The following PTPRK variants were observed in gnomAD, a reference collection of about 807,000 sequenced individuals.
PTPRK encodes the protein protein tyrosine phosphatase receptor type K, also known as receptor-type tyrosine-protein phosphatase kappa.
A neutral mutation model predicts 178.0 loss-of-function variants in PTPRK; 75 were observed. The observed-to-expected ratio is 0.42, with a 90% CI of 0.35 to 0.51. The LOEUF is 0.51. Among genes scored for constraint, PTPRK ranks in the 20% least tolerant of loss-of-function variants. The pLI, the probability that PTPRK is intolerant of heterozygous loss-of-function variation, is 0.02. For missense variants in PTPRK, 1,441 were observed against 1,797.8 expected (o/e 0.80, Z 3.59); for synonymous variants, 637 against 620.6 (o/e 1.03, Z -0.39).
At position 127,990,774 on chromosome 6, in the gene PTPRK, C is replaced by G. The variant is rs1270599618; in HGVS notation, c.3091G>C (p.Glu1031Gln). The G allele has an allele frequency of 1.9e-6, 3 of 1,587,248 alleles. No homozygotes were observed. In the Admixed American group the frequency reaches 5.0e-5, roughly 27 times the overall value. ...AEYVVRTFTL[E>Q]RRGYNEIREV... ...TAGAATTTTAGAGTACTTACCCTTT[C>G]CAGGGTGAATGTCCTAACTACATAT... The change falls in exon 21 of 30, where the codon GAA becomes CAA. Residue 1031 changes from glutamate (E) to glutamine (Q), a missense_variant. By Grantham distance (29) the Glu-to-Gln change is conservative (BLOSUM62 2). Around this residue, in one of 4 missense-constraint regions of PTPRK, gnomAD observed 945 missense variants for 1,080.6 expected, o/e 0.87. Transcript: ENST00000368226.
At chr6:128,359,527 G>A (rs1438518400) in intron 2 of PTPRK, among the ~76,000 whole-genome samples, 1 of 152,140 alleles carries the variant, frequency 6.6e-6, no homozygotes, top group Admixed American at 6.5e-5. Context: ...TGAGGCGGGT[G>A]GATCACCTGA....
intron 2 of PTPRK, among the ~76,000 whole-genome samples, chr6:128,390,289 C>T (rs1016349972): frequency 2.0e-5 from 3 of 152,052 alleles, no homozygotes; most frequent in African/African-American, 7.2e-5. Flanking sequence ...TAAACAGACA[C>T]GCAGCAAGTG....
chr6:128,176,095 T>C (rs1801027226), intron 7 of PTPRK, among the ~76,000 whole-genome samples: 2 of 151,924 alleles, frequency 1.3e-5, no homozygotes, highest in African/African-American at 4.8e-5. Context: ...ACTAATATAA[T>C]TTTTAAGGTG....
chr6:128,267,541 A>T (rs1279053215), intron 3 of PTPRK, among the ~76,000 whole-genome samples: 1 of 152,124 alleles, frequency 6.6e-6, no homozygotes, highest in African/African-American at 2.4e-5. Context: ...AATGCTCTTT[A>T]AAACTGTGTA....
chr6:128,493,469 G>T (rs1854163815), intron 1 of PTPRK, among the ~76,000 whole-genome samples: 1 of 151,974 alleles, frequency 6.6e-6, no homozygotes, highest in Non-Finnish European at 1.5e-5. Flanking sequence ...GGCTGAGGCA[G>T]GAGAATGGCG....
At chr6:128,298,359 A>G (rs1038343188) in intron 3 of PTPRK, among the ~76,000 whole-genome samples, 1 of 151,876 alleles carries the variant, frequency 6.6e-6, no homozygotes, top group African/African-American at 2.4e-5. Flanking sequence ...AAAAGAGGGA[A>G]TCCTCTGTAG....
intron 6 of PTPRK, among the ~76,000 whole-genome samples, chr6:128,186,951 C>T (rs1802866468): frequency 6.6e-6 from 1 of 152,112 alleles, no homozygotes. Context: ...TGTTTTCATT[C>T]CAGATGGCTC....
At chr6:128,090,060 A>C in intron 7 of PTPRK, 68 bp from the exon 8 acceptor site, 2 of 1,264,268 alleles carry the variant, frequency 1.6e-6, no homozygotes, top group Non-Finnish European at 2.3e-6. Flanking sequence ...AAAATAAAAC[A>C]CCAAGTATAA....
At chr6:128,414,982 T>C (rs904451226) in intron 1 of PTPRK, among the ~76,000 whole-genome samples, 1 of 152,226 alleles carries the variant, frequency 6.6e-6, no homozygotes, top group African/African-American at 2.4e-5. Flanking sequence ...TTCATTGATT[T>C]GGCCAAGGTC....
At chr6:128,443,652 G>A (rs1224033399) in intron 1 of PTPRK, among the ~76,000 whole-genome samples, 7 of 152,156 alleles carry the variant, frequency 4.6e-5, no homozygotes. Flanking sequence ...GGCAGAGACA[G>A]AGAAGGAATT....
chr6:128,199,575 G>A (rs1185018748), intron 6 of PTPRK, among the ~76,000 whole-genome samples: 1 of 121,040 alleles, frequency 8.3e-6, no homozygotes, highest in Non-Finnish European at 1.6e-5. Flanking sequence ...AAGGAAGGAA[G>A]GGAGGGAGGG....
At chr6:128,163,875 T>C (rs368618464) in intron 7 of PTPRK, among the ~76,000 whole-genome samples, 12 of 151,622 alleles carry the variant, frequency 7.9e-5, no homozygotes, top group African/African-American at 2.4e-4. Flanking sequence ...AACACTATTG[T>C]AGTTTGTGGA....
At chr6:128,160,764 A>G (rs1171409336) in intron 7 of PTPRK, among the ~76,000 whole-genome samples, 2 of 151,442 alleles carry the variant, frequency 1.3e-5, no homozygotes, top group African/African-American at 2.4e-5. Context: ...TATTAATAAT[A>G]TGTATTTTAA....
At chr6:128,222,282 C>G (rs1810553895) in intron 5 of PTPRK, among the ~76,000 whole-genome samples, 1 of 152,190 alleles carries the variant, frequency 6.6e-6, no homozygotes, top group Admixed American at 6.5e-5. Flanking sequence ...CACAACACTA[C>G]TATCTCAAAG....
intron 7 of PTPRK, among the ~76,000 whole-genome samples, chr6:128,172,074 A>G (rs1800344410): frequency 6.6e-6 from 1 of 152,104 alleles, no homozygotes; most frequent in African/African-American, 2.4e-5. Context: ...CTTACTGGTT[A>G]TTTACAAAAT....
intron 7 of PTPRK, among the ~76,000 whole-genome samples, chr6:128,127,027 G>T (rs552838794): frequency 4.6e-5 from 7 of 151,396 alleles, no homozygotes; most frequent in Non-Finnish European, 8.8e-5. Context: ...TTGCTAATTT[G>T]CAGTGTTGAA....
At chr6:128,189,945 T>C (rs1020529419) in intron 6 of PTPRK, among the ~76,000 whole-genome samples, 3 of 152,184 alleles carry the variant, frequency 2.0e-5, no homozygotes, top group African/African-American at 7.2e-5. Context: ...TAAATGATTT[T>C]AAATTATGTC....
At chr6:128,315,172 T>C (rs541354818) in intron 3 of PTPRK, among the ~76,000 whole-genome samples, 1 of 152,228 alleles carries the variant, frequency 6.6e-6, no homozygotes, top group East Asian at 1.9e-4. Flanking sequence ...CAGAGAACCA[T>C]GGTATCTGTT....
intron 4 of PTPRK, 127 bp downstream of exon 4, chr6:128,242,394 A>G: frequency 8.0e-7 from 1 of 1,248,338 alleles, no homozygotes; most frequent in African/African-American, 1.6e-5. Context: ...AAAACTCAAT[A>G]GAAGGCTAGG....
Sources: allele counts gnomAD v4.1 joint callset (sites outside exome capture counted in the v4.1 genomes callset), GRCh38; gene constraint gnomAD v4.1.1; regional missense constraint gnomAD v4.1.1; transcripts MANE v1.5; gene names NCBI Gene and HGNC (gene_info 2026-07-23, HGNC 2026-07-21).